Variants in WWTR1 observed in about 807,000 individuals in gnomAD.
The protein encoded by WWTR1 is WW domain containing transcription regulator 1, also known as WW domain-containing transcription regulator protein 1.
In WWTR1, 13 loss-of-function variants were observed where a neutral mutation model predicts 40.1. The ratio of observed to expected loss-of-function variants is 0.32; its 90% CI spans 0.21 to 0.52. The LOEUF is 0.52. Ranked by LOEUF, WWTR1 falls within the 20% of genes least tolerant of loss-of-function variation. The probability of loss-of-function intolerance (pLI) is 0.97; values close to 1 mark genes in which losing one functional copy is unlikely to be tolerated. For missense variants in WWTR1, 436 were observed against 523.1 expected (o/e 0.83, Z 1.63); for synonymous variants, 230 against 210.1 (o/e 1.09, Z -0.82).
chr3:149,586,174 G>A (rs750357448), intron 2 of WWTR1, among the ~76,000 whole-genome samples: 16 of 152,150 alleles, frequency 1.1e-4, no homozygotes, highest in South Asian at 4.1e-4. Context: ...CTATTTGTGC[G>A]TATATAACTT....
At chr3:149,617,421 G>A (rs972668041) in intron 2 of WWTR1, among the ~76,000 whole-genome samples, 1 of 152,160 alleles carries the variant, frequency 6.6e-6, no homozygotes, top group African/African-American at 2.4e-5. Context: ...AAAACCACTA[G>A]AGGCTTATGG....
intron 2 of WWTR1, among the ~76,000 whole-genome samples, chr3:149,602,492 G>A (rs560237149): frequency 7.2e-5 from 11 of 152,238 alleles, no homozygotes; most frequent in African/African-American, 2.2e-4. Flanking sequence ...GGGACATTCC[G>A]ACTCAGTCTC....
In WWTR1 at chr3:149,668,465, G is replaced by A. The variant is rs207463875; in HGVS notation, c.-4+1323C>T. On this transcript the variant is annotated intron_variant, in intron 2 of 7. Transcript: ENST00000465804. ...CTACTAAAAATACAAAAAATTAGCC[G>A]GGCATGGTGGCGGGCGCCTGTAATC... Among the ~76,000 whole-genome samples, 187 of 152,096 alleles carry A rather than the reference G, an allele frequency of 1.2e-3. 5 individuals are homozygous for A. The South Asian group carries it at 0.037, about 30-fold the overall frequency.
intron 4 of WWTR1, among the ~76,000 whole-genome samples, chr3:149,535,921 G>A (rs539492355): frequency 1.3e-5 from 2 of 152,268 alleles, no homozygotes; most frequent in African/African-American, 4.8e-5. Flanking sequence ...GCTGAGGCAT[G>A]AGAATCACTT....
chr3:149,578,488 T>C (rs1309978322), intron 2 of WWTR1, among the ~76,000 whole-genome samples: 1 of 152,138 alleles, frequency 6.6e-6, no homozygotes, highest in Non-Finnish European at 1.5e-5. Context: ...TGGTTCAAGT[T>C]TTTTCAACAA....
chr3:149,533,200 G>A (rs758592016), intron 4 of WWTR1, among the ~76,000 whole-genome samples: 34 of 152,168 alleles, frequency 2.2e-4, no homozygotes, highest in Non-Finnish European at 3.4e-4. Context: ...TCTGTCTCAA[G>A]AAGCAGGTCA....
intron 3 of WWTR1, among the ~76,000 whole-genome samples, chr3:149,563,789 T>C (rs1365187564): frequency 6.6e-6 from 1 of 152,220 alleles, no homozygotes; most frequent in East Asian, 1.9e-4. Flanking sequence ...TCTGGCTCTG[T>C]CACCCAGGCT....
chr3:149,643,356 C>T (rs1041896249), intron 2 of WWTR1, among the ~76,000 whole-genome samples: 3 of 152,114 alleles, frequency 2.0e-5, no homozygotes, highest in African/African-American at 7.2e-5. Flanking sequence ...ATGACGTGTG[C>T]CAGCAATAAC....
At position 149,589,869 on chromosome 3, in the gene WWTR1, T is replaced by TG. The variant is rs199730287; in HGVS notation, c.432-16870_432-16869insC. 5.3e-5 allele frequency among the ~76,000 whole-genome samples: 8 copies of TG among 152,314 alleles called. No individual in the cohort carries two copies. The East Asian group carries it at 1.5e-3, about 29-fold the overall frequency. On this transcript the variant is annotated intron_variant, in intron 2 of 6. Coordinates refer to ENST00000360632, the MANE Select transcript of WWTR1 (RefSeq NM_015472.6). ...AATCATTTTGCTTCTAGGTATCAAATATAACAGTTGAATCTTATTCACATC... is the reference window on the plus strand; with the variant it reads ...AATCATTTTGCTTCTAGGTATCAAATGATAACAGTTGAATCTTATTCACATC...
intron 2 of WWTR1, among the ~76,000 whole-genome samples, chr3:149,668,096 T>G (rs1376517101): frequency 3.3e-5 from 5 of 152,176 alleles, no homozygotes; most frequent in African/African-American, 1.2e-4. Context: ...TGGCATTAAA[T>G]CTATAAAAAT....
At chr3:149,631,699 T>G (rs1711554805) in intron 2 of WWTR1, among the ~76,000 whole-genome samples, 1 of 152,094 alleles carries the variant, frequency 6.6e-6, no homozygotes, top group South Asian at 2.1e-4. Flanking sequence ...CCTATAGCCA[T>G]TCTTGTCAAA....
At chr3:149,605,297 T>C (rs1739434622) in intron 2 of WWTR1, among the ~76,000 whole-genome samples, 1 of 152,138 alleles carries the variant, frequency 6.6e-6, no homozygotes, top group Non-Finnish European at 1.5e-5. Flanking sequence ...TAAGACCAGC[T>C]ACCAGGTAGG....
rs147838125 is a variant in WWTR1 at position 149,603,387 on chromosome 3, T to C, written c.432-30387A>G. Among the ~76,000 whole-genome samples the C allele has an allele frequency of 2.5e-3, 381 of 152,318 alleles. 1 individual carries two copies. Among genetic ancestry groups the C allele is most frequent in the African/African-American group, 8.8e-3 (366 of 41,558 alleles). On this transcript the variant is annotated intron_variant, in intron 2 of 6. Coordinates refer to ENST00000360632, the MANE Select transcript of WWTR1 (RefSeq NM_015472.6). ...ACAGGCTTCACAAGGAATTTTGACA[T>C]CTTAATGAAGATTTATGAAGAATTT...
chr3:149,593,184 C>T (rs1451798863), intron 2 of WWTR1, among the ~76,000 whole-genome samples: 2 of 152,308 alleles, frequency 1.3e-5, no homozygotes, highest in African/African-American at 4.8e-5. Flanking sequence ...AGAAAGTTAC[C>T]GACTACCAGT....
chr3:149,691,750 C>A (rs1262844656), intron 1 of WWTR1, among the ~76,000 whole-genome samples: 1 of 152,152 alleles, frequency 6.6e-6, no homozygotes, highest in African/African-American at 2.4e-5. Flanking sequence ...GGCGCGGTGG[C>A]TCATGTCTGT....
At chr3:149,690,297 A>C (rs1714782160) in intron 1 of WWTR1, among the ~76,000 whole-genome samples, 1 of 152,150 alleles carries the variant, frequency 6.6e-6, no homozygotes, top group Non-Finnish European at 1.5e-5. Flanking sequence ...TAAATGAACT[A>C]AACTCTCCAA....
At chr3:149,685,142 T>C (rs565562323) in intron 1 of WWTR1, among the ~76,000 whole-genome samples, 1 of 152,162 alleles carries the variant, frequency 6.6e-6, no homozygotes, top group South Asian at 2.1e-4. Flanking sequence ...CTGGGAGGAA[T>C]TGCCTTACAA....
At chr3:149,582,592 G>A (rs1319968970) in intron 2 of WWTR1, among the ~76,000 whole-genome samples, 2 of 151,786 alleles carry the variant, frequency 1.3e-5, no homozygotes, top group South Asian at 2.1e-4. Flanking sequence ...TGAGTCGGGC[G>A]TGGTGGTATA....
chr3:149,609,611 G>A (rs1739642749), intron 2 of WWTR1, among the ~76,000 whole-genome samples: 1 of 152,210 alleles, frequency 6.6e-6, no homozygotes. Context: ...CACAACAGCA[G>A]AGCTGAAAAT....
Sources: gnomAD v4.1 joint callset for allele counts (sites outside exome capture counted in the v4.1 genomes callset) on GRCh38, gnomAD v4.1.1 for gene constraint, MANE v1.5 for transcripts, NCBI Gene and HGNC (gene_info 2026-07-23, HGNC 2026-07-21) for gene names.